Variants in ERBB4 observed in about 807,000 individuals in gnomAD.
ERBB4 encodes the protein receptor tyrosine-protein kinase erbB-4.
Under a neutral mutation model 158.0 loss-of-function variants are expected in ERBB4, and 42 were observed. That is an observed-to-expected ratio of 0.27 (90% CI 0.21 to 0.34). ERBB4 has a LOEUF of 0.34. Ranked by LOEUF, ERBB4 falls within the 10% of genes least tolerant of loss-of-function variation. The pLI is 1.00. For synonymous variants in ERBB4, 583 were observed against 558.7 expected, an observed-to-expected ratio of 1.04 and a Z score of -0.61; for missense variants, 1,333 against 1,624.1, an observed-to-expected ratio of 0.82 and a Z score of 3.08.
intron 1 of ERBB4, among the ~76,000 whole-genome samples, chr2:212,316,237 TAGTATGGTGCACTGTAAGAGTCACACAC>T (rs2087272698): frequency 6.6e-6 from 1 of 151,126 alleles, no homozygotes; most frequent in African/African-American, 2.4e-5. Flanking sequence ...TTACTTGGAG[TAGTATGGTGCACTGTAAGAGTCACACAC>T]GCCCACATGC....
chr2:211,492,621 A>C (rs554990361), intron 20 of ERBB4, among the ~76,000 whole-genome samples: 2 of 152,216 alleles, frequency 1.3e-5, no homozygotes, highest in African/African-American at 2.4e-5. Flanking sequence ...AAGAAATAGA[A>C]AACAATAAGC....
chr2:212,284,770 C>T (rs1340839388), intron 1 of ERBB4, among the ~76,000 whole-genome samples: 1 of 150,210 alleles, frequency 6.7e-6, no homozygotes, highest in Non-Finnish European at 1.5e-5. Context: ...TTTATTTTTC[C>T]TTTGTAACCT....
chr2:211,671,177 T>C (rs187814129), intron 14 of ERBB4, among the ~76,000 whole-genome samples: 5 of 152,262 alleles, frequency 3.3e-5, no homozygotes, highest in African/African-American at 1.2e-4. Flanking sequence ...ATTTTCATTA[T>C]ACAGTATACA....
chr2:211,388,778 A>C (rs951132841), intron 25 of ERBB4, among the ~76,000 whole-genome samples: 2 of 152,148 alleles, frequency 1.3e-5, no homozygotes, highest in Non-Finnish European at 2.9e-5. Context: ...AAATCTAATA[A>C]AAGATGAAGG....
At chr2:212,398,007 A>G (rs539703502) in intron 1 of ERBB4, among the ~76,000 whole-genome samples, 2 of 152,032 alleles carry the variant, frequency 1.3e-5, no homozygotes, top group South Asian at 4.1e-4. Context: ...AAAAGGAAAA[A>G]TGTGAATAGT....
intron 3 of ERBB4, among the ~76,000 whole-genome samples, chr2:211,800,224 C>T (rs1393465324): frequency 2.0e-5 from 3 of 152,158 alleles, no homozygotes; most frequent in South Asian, 4.1e-4. Flanking sequence ...TCACTGTACA[C>T]TCTTCATAAA....
intron 2 of ERBB4, among the ~76,000 whole-genome samples, chr2:212,090,182 A>G (rs2078730524): frequency 6.6e-6 from 1 of 152,192 alleles, no homozygotes; most frequent in Non-Finnish European, 1.5e-5. Context: ...TTATCTGAAA[A>G]TAAACTCTAC....
At chr2:212,183,326 T>G (rs115542122) in intron 1 of ERBB4, among the ~76,000 whole-genome samples, 1 of 151,946 alleles carries the variant, frequency 6.6e-6, no homozygotes, top group Admixed American at 6.6e-5. Context: ...AATGCCAATG[T>G]TGAAGCATTA....
intron 1 of ERBB4, among the ~76,000 whole-genome samples, chr2:212,296,194 T>C (rs1314182948): frequency 6.6e-6 from 1 of 151,936 alleles, no homozygotes; most frequent in Non-Finnish European, 1.5e-5. Flanking sequence ...AACACCATGA[T>C]GGTCAGTGTT....
rs1236724009 is a variant in ERBB4, at chr2:211,944,117, TATAC to T, written c.421+3309_421+3312del. ...TATATACATGGTTACACTATATATATATACACACTATATATGTACACTATACATA... is the reference window on the plus strand; with the variant it reads ...TATATACATGGTTACACTATATATATACACTATATATGTACACTATACATA... On this transcript the variant is annotated intron_variant, in intron 3 of 27. Transcript: ENST00000342788. Among the ~76,000 whole-genome samples, 874 of 142,500 alleles carry T rather than the reference TATAC, an allele frequency of 6.1e-3. 9 individuals carry two copies. The highest frequency in any genetic ancestry group is 0.018 in the African/African-American group (699 of 38,002). The allele number at this position is 142,500 out of a possible 152,430, so 93.5% of individuals were successfully genotyped here. A position where few individuals can be genotyped will look rare whatever the true frequency, so the allele number is the denominator to read the frequency against.
At chr2:211,519,426 G>T (rs2125634947) in intron 20 of ERBB4, among the ~76,000 whole-genome samples, 1 of 152,144 alleles carries the variant, frequency 6.6e-6, no homozygotes, top group Non-Finnish European at 1.5e-5. Flanking sequence ...CTCCTCCACT[G>T]CCATGGGTAC....
At position 212,055,994 on chromosome 2, in the gene ERBB4, A is replaced by C. The variant is rs1166397020; in HGVS notation, c.234+68758T>G. Among the ~76,000 whole-genome samples, 3 of 152,346 alleles carry C rather than the reference A, an allele frequency of 2.0e-5. No homozygotes were observed. The East Asian group carries it at 5.8e-4, about 29-fold the overall frequency. On this transcript the variant is annotated intron_variant, in intron 2 of 27. Coordinates refer to ENST00000342788, the MANE Select transcript of ERBB4 (RefSeq NM_005235.3). Reference sequence around the variant, plus strand: ...CAAACTTCTCTGAGCTAAGGGAGGAAGTCTGAACCCATCGCAAAGAAGCTA... The same window carrying C: ...CAAACTTCTCTGAGCTAAGGGAGGACGTCTGAACCCATCGCAAAGAAGCTA...
chr2:211,901,356 A>C (rs1384320573), intron 3 of ERBB4, among the ~76,000 whole-genome samples: 1 of 152,216 alleles, frequency 6.6e-6, no homozygotes, highest in Admixed American at 6.5e-5. Flanking sequence ...TGGTAAGTAG[A>C]TGCATCAGCT....
At chr2:211,948,893 TTTACTCAACATCCTTACTTGGATGTCTAG>T in intron 2 of ERBB4, among the ~76,000 whole-genome samples, 1 of 152,248 alleles carries the variant, frequency 6.6e-6, no homozygotes, top group East Asian at 1.9e-4. Context: ...TACCCAACTG[TTTACTCAACATCCTTACTTGGATGTCTAG>T]TATGCTTTTC....
intron 1 of ERBB4, among the ~76,000 whole-genome samples, chr2:212,500,012 C>T (rs1690795878): frequency 1.3e-5 from 2 of 152,184 alleles, no homozygotes; most frequent in Non-Finnish European, 1.5e-5. Context: ...AAATACAAAA[C>T]ATGTTGAACA....
At chr2:212,512,319 A>C (rs1691568465) in intron 1 of ERBB4, among the ~76,000 whole-genome samples, 1 of 150,126 alleles carries the variant, frequency 6.7e-6, no homozygotes, top group African/African-American at 2.5e-5. Context: ...AAATATACAT[A>C]TTGAGTATAT....
In ERBB4 at chr2:211,430,934, A is replaced by G; in HGVS notation, c.2643+11T>C. On this transcript the variant is annotated intron_variant, in intron 21 of 27. Coordinates refer to ENST00000342788, the MANE Select transcript of ERBB4 (RefSeq NM_005235.3). ...ATTTTCAAGCAAGATTGCTCTCAAA[A>G]AGATACCCACCTTTCCTCCATCAGC... The G allele has an allele frequency of 6.2e-7, 1 of 1,610,066 alleles. No homozygotes were observed. Among genetic ancestry groups the G allele is most frequent in the East Asian group, 2.2e-5 (1 of 44,828 alleles).
chr2:212,013,582 A>G (rs2076441640), intron 2 of ERBB4, among the ~76,000 whole-genome samples: 1 of 152,230 alleles, frequency 6.6e-6, no homozygotes, highest in African/African-American at 2.4e-5. Flanking sequence ...TAAATCCAAT[A>G]TTACTGTTCC....
chr2:211,543,529 C>A (rs1053905013), intron 20 of ERBB4, among the ~76,000 whole-genome samples: 1 of 151,844 alleles, frequency 6.6e-6, no homozygotes, highest in South Asian at 2.1e-4. Flanking sequence ...TTTAATGTTG[C>A]ATTTTATAAA....
Sources: gnomAD v4.1 joint callset for allele counts (sites outside exome capture counted in the v4.1 genomes callset) on GRCh38, gnomAD v4.1.1 for gene constraint, MANE v1.5 for transcripts, NCBI Gene and HGNC (gene_info 2026-07-23, HGNC 2026-07-21) for gene names.